The following DPYSL5 variants were observed in gnomAD, a reference collection of about 807,000 sequenced individuals.
The protein encoded by DPYSL5 is dihydropyrimidinase-related protein 5.
Under a neutral mutation model 58.4 loss-of-function variants are expected in DPYSL5, and 9 were observed. The observed-to-expected ratio is 0.15, with a 90% CI of 0.09 to 0.27. DPYSL5 has a LOEUF of 0.27. DPYSL5 is among the 10% of genes least tolerant of loss of function. The probability of loss-of-function intolerance (pLI) is 1.00; values close to 1 mark genes in which losing one functional copy is unlikely to be tolerated. For synonymous variants in DPYSL5, 293 were observed against 301.9 expected, an observed-to-expected ratio of 0.97 and a Z score of 0.31; for missense variants, 499 against 770.6, an observed-to-expected ratio of 0.65 and a Z score of 4.17.
At position 26,942,400 on chromosome 2, in the gene DPYSL5, G is replaced by A. The variant is rs1665346169; in HGVS notation, c.1233-143G>A. 14 of 973,324 alleles carry A rather than the reference G, an allele frequency of 1.4e-5. No individual in the cohort carries two copies. The highest frequency in any genetic ancestry group is 3.3e-5 in the African/African-American group (2 of 61,148). The allele number at this position is 973,324 out of a possible 1,614,324, so 60.3% of individuals were successfully genotyped here. Reference sequence around the variant, plus strand: ...AATAGTGCCATGTTCTGAGGTTCTGGGTGTTAGAACTTCAGCAGAAGAATT... The same window carrying A: ...AATAGTGCCATGTTCTGAGGTTCTGAGTGTTAGAACTTCAGCAGAAGAATT... On this transcript the variant is annotated intron_variant, in intron 10 of 12. Transcript: ENST00000288699. The surrounding 1 kb of genome is among the most constrained non-coding windows in gnomAD (Gnocchi z 5.9).
chr2:26,900,593 T>C (rs895917078), intron 2 of DPYSL5, among the ~76,000 whole-genome samples: 9 of 152,202 alleles, frequency 5.9e-5, no homozygotes, highest in Admixed American at 3.3e-4. Context: ...GTTGGGCACA[T>C]ACTCCCGGGA....
chr2:26,895,080 C>T (rs1219926195), intron 1 of DPYSL5, among the ~76,000 whole-genome samples: 1 of 152,190 alleles, frequency 6.6e-6, no homozygotes, highest in African/African-American at 2.4e-5. Flanking sequence ...TGCTTTTGCA[C>T]CTTTGTCAAA....
intron 2 of DPYSL5, among the ~76,000 whole-genome samples, chr2:26,910,795 G>C (rs1315295475): frequency 6.6e-6 from 1 of 151,354 alleles, no homozygotes; most frequent in African/African-American, 2.4e-5. Context: ...CCATTTATTA[G>C]ATATATGTTT....
At chr2:26,888,255 T>TTCTTTCTGTCTG (rs1553316480) in intron 1 of DPYSL5, among the ~76,000 whole-genome samples, 1 of 108,188 alleles carries the variant, frequency 9.2e-6, no homozygotes, top group African/African-American at 4.6e-5. Flanking sequence ...CTTTCTTTCT[T>TTCTTTCTGTCTG]TCTTTCTTTC....
chr2:26,945,519 C>T (rs568427880), intron 12 of DPYSL5, among the ~76,000 whole-genome samples: 14 of 151,304 alleles, frequency 9.3e-5, no homozygotes, highest in Admixed American at 5.9e-4. Context: ...CGTCCCCCCC[C>T]GCACCCATCA....
At chr2:26,908,269 G>A (rs922413020) in intron 2 of DPYSL5, among the ~76,000 whole-genome samples, 12 of 152,300 alleles carry the variant, frequency 7.9e-5, no homozygotes, top group African/African-American at 1.9e-4. Flanking sequence ...CATTCCTAGC[G>A]TTCGAATTTC....
intron 1 of DPYSL5, among the ~76,000 whole-genome samples, chr2:26,864,451 G>A (rs1430181008): frequency 6.6e-6 from 1 of 152,216 alleles, no homozygotes; most frequent in Non-Finnish European, 1.5e-5. Context: ...TGATGGGAAA[G>A]GTGGGGAAGA....
intron 2 of DPYSL5, among the ~76,000 whole-genome samples, chr2:26,911,924 T>C (rs1664449774): frequency 6.6e-6 from 1 of 152,198 alleles, no homozygotes; most frequent in Non-Finnish European, 1.5e-5. Context: ...AAAGAATATA[T>C]TTTTCCCACC....
At chr2:26,874,248 T>C (rs963989736) in intron 1 of DPYSL5, among the ~76,000 whole-genome samples, 4 of 152,238 alleles carry the variant, frequency 2.6e-5, no homozygotes, top group African/African-American at 9.6e-5. Flanking sequence ...CAGGATCTTA[T>C]GAAGAACACA....
At chr2:26,884,520 T>TCTCTCACACACA (rs35489206) in intron 1 of DPYSL5, among the ~76,000 whole-genome samples, 17 of 145,530 alleles carry the variant, frequency 1.2e-4, no homozygotes, top group African/African-American at 4.1e-4. Flanking sequence ...TTGTCCTATC[T>TCTCTCACACACA]CACACACACA....
chr2:26,901,315 T>C (rs575979440), intron 2 of DPYSL5, among the ~76,000 whole-genome samples: 23 of 152,256 alleles, frequency 1.5e-4, no homozygotes, highest in South Asian at 8.3e-4. Flanking sequence ...ATTAAGCCTC[T>C]GTCGTGGTGG....
intron 2 of DPYSL5, among the ~76,000 whole-genome samples, chr2:26,907,098 A>G (rs1323672652): frequency 8.1e-6 from 1 of 123,992 alleles, no homozygotes; most frequent in Non-Finnish European, 1.8e-5. Flanking sequence ...CCACATTTAC[A>G]TTTTTATTTA....
chr2:26,906,254 G>T (rs1664285877), intron 2 of DPYSL5, among the ~76,000 whole-genome samples: 1 of 149,548 alleles, frequency 6.7e-6, no homozygotes, highest in Admixed American at 6.7e-5. Flanking sequence ...CACGATCTCA[G>T]CTCACTGCAA....
chr2:26,875,187 G>A (rs952926333), intron 1 of DPYSL5, among the ~76,000 whole-genome samples: 10 of 152,224 alleles, frequency 6.6e-5, no homozygotes, highest in African/African-American at 2.4e-4. Context: ...AGATTGGGAA[G>A]GAACTAGGAC....
chr2:26,862,275 G>A lies in DPYSL5; in HGVS notation c.-5+14021G>A, dbSNP rs533247839. Reference sequence around the variant, plus strand: ...ACAGGGCTCTCTTGTGGCACTTGGCGCAAGGCCCCTCAGCAAGTTGGTTAT... The same window carrying A: ...ACAGGGCTCTCTTGTGGCACTTGGCACAAGGCCCCTCAGCAAGTTGGTTAT... On this transcript the variant is annotated intron_variant, in intron 1 of 12. Coordinates refer to ENST00000288699, the MANE Select transcript of DPYSL5 (RefSeq NM_020134.4). 1.8e-4 allele frequency among the ~76,000 whole-genome samples: 27 copies of A among 152,340 alleles called. No homozygotes were observed. In the South Asian group the frequency reaches 4.6e-3, roughly 26 times the overall value.
intron 12 of DPYSL5, among the ~76,000 whole-genome samples, chr2:26,946,025 C>T (rs1665471179): frequency 6.6e-6 from 1 of 152,220 alleles, no homozygotes; most frequent in South Asian, 2.1e-4. Context: ...GGCTCCGCTA[C>T]TCTGAGGGCC....
chr2:26,882,785 C>A (rs1234713300), intron 1 of DPYSL5, among the ~76,000 whole-genome samples: 5 of 151,716 alleles, frequency 3.3e-5, no homozygotes, highest in African/African-American at 1.2e-4. Flanking sequence ...TGGTGGGGTG[C>A]ACCTATAATT....
chr2:26,888,667 G>T (rs925557962), intron 1 of DPYSL5, among the ~76,000 whole-genome samples: 2 of 152,118 alleles, frequency 1.3e-5, no homozygotes, highest in African/African-American at 2.4e-5. Context: ...TCTGTTGTTT[G>T]CATAGATAAA....
chr2:26,885,224 A>C (rs1663686350), intron 1 of DPYSL5, among the ~76,000 whole-genome samples: 1 of 151,912 alleles, frequency 6.6e-6, no homozygotes, highest in African/African-American at 2.4e-5. Context: ...ATAAAAAAAA[A>C]CCTGTCTCAG....
Sources: allele counts gnomAD v4.1 joint callset (sites outside exome capture counted in the v4.1 genomes callset), GRCh38; gene constraint gnomAD v4.1.1; non-coding constraint Gnocchi (gnomAD v3.1); transcripts MANE v1.5; gene names NCBI Gene and HGNC (gene_info 2026-07-23, HGNC 2026-07-21).